The following RASAL1 variants were observed in gnomAD, a reference collection of about 807,000 sequenced individuals.
The protein encoded by RASAL1 is RAS protein activator like 1, also known as rasGAP-activating-like protein 1.
RASAL1 carries 72 observed loss-of-function variants against 96.6 expected under a neutral mutation model. That is an observed-to-expected ratio of 0.75 (90% CI 0.62 to 0.91). The LOEUF (loss-of-function observed/expected upper bound fraction) is 0.91, where lower values mean the gene tolerates loss of function less well. RASAL1 is among the 40% of genes least tolerant of loss of function. RASAL1 has a pLI of 0.00. For synonymous variants in RASAL1, 405 were observed against 430.4 expected, an observed-to-expected ratio of 0.94 and a Z score of 0.73; for missense variants, 1,016 against 1,072.5, an observed-to-expected ratio of 0.95 and a Z score of 0.74.
Position 113,107,086 on chromosome 12 carries a change from C to T in RASAL1, c.1657+11G>A. 6.2e-7 allele frequency: 1 copy of T among 1,606,446 alleles called. No individual in the cohort carries two copies. Among genetic ancestry groups the T allele is most frequent in the Non-Finnish European group, 8.5e-7 (1 of 1,176,058 alleles). On this transcript the variant is annotated intron_variant, in intron 15 of 20. Transcript: ENST00000548055. The stretch of plus-strand genomic sequence containing the variant: ...TGAGAAGCCAGATGTGGCCGGACCA[C>T]AGGAACTCACCTTCATCCCCATCCA...
intron 5 of RASAL1, among the ~76,000 whole-genome samples, chr12:113,120,404 A>G (rs1402439847): frequency 6.6e-6 from 1 of 152,000 alleles, no homozygotes; most frequent in African/African-American, 2.4e-5. Context: ...TTCTCCCTCA[A>G]CCAGACTCTA....
chr12:113,107,571 C>G (rs1324482569), intron 14 of RASAL1: 1 of 505,500 alleles, frequency 2.0e-6, no homozygotes, highest in East Asian at 5.4e-5. Context: ...TGCAGTAAGC[C>G]AAGATCGTGC....
intron 2 of RASAL1, 74 bp from the exon 3 acceptor site, chr12:113,128,252 A>ACG (rs1160426685): frequency 4.1e-5 from 24 of 586,626 alleles, no homozygotes; most frequent in Non-Finnish European, 5.9e-5. Context: ...CCAGACACAC[A>ACG]CACACACACA....
chr12:113,118,065 A>G (rs1951155342), intron 7 of RASAL1, among the ~76,000 whole-genome samples: 1 of 152,288 alleles, frequency 6.6e-6, no homozygotes, highest in Admixed American at 6.5e-5. Context: ...CTCTATTAAA[A>G]ATACAAAAAT....
intron 8 of RASAL1, 129 bp downstream of exon 8, chr12:113,116,944 T>A: frequency 1.5e-6 from 1 of 671,896 alleles, no homozygotes; most frequent in South Asian, 2.3e-5. Flanking sequence ...CCATAGACAG[T>A]TGTTAAATGG....
At chr12:113,119,524 C>A in intron 5 of RASAL1, 81 bp from the exon 6 acceptor site, 2 of 1,324,792 alleles carry the variant, frequency 1.5e-6, no homozygotes, top group Non-Finnish European at 2.1e-6. Context: ...TAGATCATTC[C>A]AATGTCGCTG....
intron 13 of RASAL1, among the ~76,000 whole-genome samples, chr12:113,109,039 G>GT (rs1176887412): frequency 2.0e-5 from 1 of 48,926 alleles, no homozygotes; most frequent in Non-Finnish European, 4.0e-5. Context: ...GTTTTTTTGT[G>GT]TGTGTTTTTT....
intron 20 of RASAL1, 84 bp downstream of exon 20, chr12:113,100,544 C>A (rs943301804): frequency 2.3e-5 from 27 of 1,198,828 alleles, no homozygotes; most frequent in Non-Finnish European, 3.3e-5. Flanking sequence ...AGTGATCCAC[C>A]CACCTCGGCC....
In RASAL1 at chr12:113,104,191, CCCCG is replaced by C. The variant is rs770842458; in HGVS notation, c.1934_1937del (p.Thr645ArgfsTer13). 1 of 1,612,180 alleles carries C rather than the reference CCCCG, an allele frequency of 6.2e-7. No homozygotes were observed. The highest frequency in any genetic ancestry group is 1.1e-5 in the South Asian group (1 of 90,798). On this transcript the variant is annotated frameshift_variant, in exon 17 of 21. Transcript: ENST00000548055. LOFTEE classifies it high-confidence loss of function. The stretch of plus-strand genomic sequence containing the variant: ...ACTGGAGGTAGGTGGTGTGCAGCGC[CCCCG>C]TGCCGTCCTGCGTCACCACCTGCAT...
chr12:113,132,895 G>T (rs937201587), intron 1 of RASAL1, among the ~76,000 whole-genome samples: 2 of 152,146 alleles, frequency 1.3e-5, no homozygotes, highest in Non-Finnish European at 2.9e-5. Context: ...TTCCTCTTCT[G>T]GCTCCATCCC....
intron 1 of RASAL1, among the ~76,000 whole-genome samples, chr12:113,134,706 G>A (rs954382544): frequency 1.2e-4 from 19 of 152,188 alleles, no homozygotes; most frequent in Non-Finnish European, 2.4e-4. Context: ...AGCCCTGGGG[G>A]AAGCATAGCT....
Position 113,105,850 on chromosome 12 carries a change from G to A in RASAL1, c.1694C>T (p.Ser565Leu), listed in dbSNP as rs144631652. The change falls in exon 16 of 21, where the codon TCG becomes TTG. Residue 565 changes from serine (S) to leucine (L), a missense_variant. Ser to Leu is a moderately radical substitution (Grantham distance 145). Transcript: ENST00000548055. ...CAGATAGCCTTCTCGAACAATGGCC[G>A]AGGGCGGGAACAGGGCCCTGGCTGG... The part of the protein sequence containing the change: ...GVPARALFPP[S>L]AIVREGYLLK... 1.6e-5 allele frequency: 26 copies of A among 1,613,892 alleles called. No individual in the cohort carries two copies. The highest frequency in any genetic ancestry group is 2.2e-5 in the South Asian group (2 of 91,086).
At chr12:113,116,949 A>T in intron 8 of RASAL1, 124 bp downstream of exon 8, 1 of 710,390 alleles carries the variant, frequency 1.4e-6, no homozygotes, top group Non-Finnish European at 2.2e-6. Context: ...GACAGTTGTT[A>T]AATGGATGAA....
Position 113,135,593 on chromosome 12 carries a change from C to G in RASAL1, c.-131G>C. ...GTCCCAGTGCCGCCTGTCCGAGACC[C>G]GGGTAGCTGGATGGGAGATTTCCGA... On this transcript the variant is annotated 5_prime_UTR_variant, in exon 1 of 21. Transcript: ENST00000548055. The surrounding 1 kb of genome is among the most constrained non-coding windows in gnomAD (Gnocchi z 5.7). 5 of 755,776 alleles carry G rather than the reference C, an allele frequency of 6.6e-6. No homozygotes were observed. In the South Asian group the frequency reaches 8.7e-5, roughly 13 times the overall value. The allele number at this position is 755,776 out of a possible 1,614,324, so 46.8% of individuals were successfully genotyped here. A position where few individuals can be genotyped will look rare whatever the true frequency, so the allele number is the denominator to read the frequency against.
chr12:113,114,360 G>A (rs1038803696), intron 12 of RASAL1, among the ~76,000 whole-genome samples: 2 of 151,676 alleles, frequency 1.3e-5, no homozygotes, highest in Non-Finnish European at 2.9e-5. Context: ...TATAGTCCCA[G>A]CTACTCAGGA....
At chr12:113,117,460 G>A (rs1023046140) in intron 7 of RASAL1, among the ~76,000 whole-genome samples, 7 of 152,222 alleles carry the variant, frequency 4.6e-5, no homozygotes, top group African/African-American at 9.6e-5. Flanking sequence ...TCTGGACTGA[G>A]TGTATTTTCA....
intron 4 of RASAL1, 134 bp downstream of exon 4, chr12:113,127,678 A>G: frequency 1.3e-6 from 1 of 763,042 alleles, no homozygotes; most frequent in Non-Finnish European, 2.1e-6. Context: ...GCAAACAAAA[A>G]GTAAAGACAA....
chr12:113,103,227 TAAC>T (rs891205179), intron 18 of RASAL1: 3 of 147,364 alleles, frequency 2.0e-5, no homozygotes, highest in South Asian at 2.1e-4. Context: ...TTTTATATAA[TAAC>T]AATGTTATTA....
intron 13 of RASAL1, among the ~76,000 whole-genome samples, chr12:113,109,534 G>GC (rs1378993597): frequency 6.6e-6 from 1 of 152,154 alleles, no homozygotes; most frequent in African/African-American, 2.4e-5. Context: ...AGGGAAGGGT[G>GC]CCCCTCCATC....
Sources: gnomAD v4.1 joint callset for allele counts (sites outside exome capture counted in the v4.1 genomes callset) on GRCh38, gnomAD v4.1.1 for gene constraint, Gnocchi (gnomAD v3.1) non-coding constraint, MANE v1.5 for transcripts, NCBI Gene and HGNC (gene_info 2026-07-23, HGNC 2026-07-21) for gene names.